PRKAR2B: variants seen among roughly 807,000 people sequenced by gnomAD.
PRKAR2B encodes the protein cAMP-dependent protein kinase type II-beta regulatory subunit.
In PRKAR2B, 14 loss-of-function variants were observed where a neutral mutation model predicts 49.9. The observed-to-expected ratio is 0.28, with a 90% CI of 0.19 to 0.44. PRKAR2B has a LOEUF of 0.44. Among genes scored for constraint, PRKAR2B ranks in the 20% least tolerant of loss-of-function variants. The probability of loss-of-function intolerance (pLI) is 1.00; values close to 1 mark genes in which losing one functional copy is unlikely to be tolerated. For synonymous variants in PRKAR2B, 196 were observed against 197.7 expected (o/e 0.99, Z 0.07); for missense variants, 393 against 537.9 (o/e 0.73, Z 2.67).
chr7:107,054,497 C>G (rs931326589), intron 1 of PRKAR2B, among the ~76,000 whole-genome samples: 1 of 152,298 alleles, frequency 6.6e-6, no homozygotes, highest in South Asian at 2.1e-4. Context: ...AAATCTCACT[C>G]TTTTCCCAAA....
Position 107,161,391 on chromosome 7 carries a change from C to T in PRKAR2B, c.*1809C>T, listed in dbSNP as rs946304608. Reference sequence around the variant, plus strand: ...TGTTAACTATTCATGGAACAGCAAACGCCTGTTTAATAAAGAACTTTGACC... The same window carrying T: ...TGTTAACTATTCATGGAACAGCAAATGCCTGTTTAATAAAGAACTTTGACC... On this transcript the variant is annotated 3_prime_UTR_variant, in exon 11 of 11. Coordinates refer to ENST00000265717, the MANE Select transcript of PRKAR2B (RefSeq NM_002736.3). The T allele has an allele frequency of 6.5e-6, 1 of 152,686 alleles. No homozygotes were observed. The highest frequency in any genetic ancestry group is 2.1e-4 in the South Asian group (1 of 4,824). The allele number at this position is 152,686 out of a possible 1,614,324, so 9.5% of individuals were successfully genotyped here. A position where few individuals can be genotyped will look rare whatever the true frequency, so the allele number is the denominator to read the frequency against.
chr7:107,065,019 A>G (rs1794105568), intron 1 of PRKAR2B, among the ~76,000 whole-genome samples: 1 of 152,180 alleles, frequency 6.6e-6, no homozygotes, highest in Non-Finnish European at 1.5e-5. Context: ...GCATAAGAGA[A>G]ATTCATTTAT....
intron 2 of PRKAR2B, among the ~76,000 whole-genome samples, chr7:107,099,882 C>T (rs865815930): frequency 6.6e-6 from 1 of 152,144 alleles, no homozygotes; most frequent in Non-Finnish European, 1.5e-5. Context: ...GATCCGCCCG[C>T]CTTGGCCTCC....
chr7:107,065,926 T>G (rs1241213038), intron 1 of PRKAR2B, among the ~76,000 whole-genome samples: 1 of 152,212 alleles, frequency 6.6e-6, no homozygotes, highest in Non-Finnish European at 1.5e-5. Context: ...GGAGGATTTT[T>G]CTTGTAAGGA....
intron 2 of PRKAR2B, among the ~76,000 whole-genome samples, chr7:107,100,381 C>T (rs552607370): frequency 6.6e-6 from 1 of 152,170 alleles, no homozygotes; most frequent in South Asian, 2.1e-4. Context: ...TTTGTTGTTC[C>T]CCTGTATGAA....
chr7:107,088,772 G>T (rs1562852655), intron 2 of PRKAR2B, among the ~76,000 whole-genome samples: 3 of 151,984 alleles, frequency 2.0e-5, no homozygotes. Flanking sequence ...GCTAATTTTT[G>T]TAGTTTTAGT....
At chr7:107,115,479 G>T (rs1354529339) in intron 2 of PRKAR2B, among the ~76,000 whole-genome samples, 1 of 152,158 alleles carries the variant, frequency 6.6e-6, no homozygotes, top group Non-Finnish European at 1.5e-5. Flanking sequence ...ATATTTTGAT[G>T]CAGGAAGTAG....
chr7:107,079,234 C>T (rs1168806194), intron 2 of PRKAR2B, among the ~76,000 whole-genome samples: 3 of 152,102 alleles, frequency 2.0e-5, no homozygotes, highest in African/African-American at 7.2e-5. Flanking sequence ...GCACTGCAGA[C>T]CAGCACTTTT....
chr7:107,079,834 A>G (rs1398764908), intron 2 of PRKAR2B, among the ~76,000 whole-genome samples: 1 of 152,212 alleles, frequency 6.6e-6, no homozygotes, highest in Non-Finnish European at 1.5e-5. Flanking sequence ...GATGAGGTCA[A>G]AGAAAAAATA....
At chr7:107,074,159 A>G (rs1156423903) in intron 2 of PRKAR2B, among the ~76,000 whole-genome samples, 1 of 152,130 alleles carries the variant, frequency 6.6e-6, no homozygotes, top group East Asian at 2.0e-4. Context: ...TCTGTTGCCC[A>G]GGCTGGAGTG....
chr7:107,150,649 A>G (rs1325887415), intron 6 of PRKAR2B, among the ~76,000 whole-genome samples: 3 of 151,864 alleles, frequency 2.0e-5, no homozygotes, highest in South Asian at 4.2e-4. Flanking sequence ...AGAACCCAAC[A>G]TATTGGTCAG....
chr7:107,142,705 T>G (rs1428849892), intron 5 of PRKAR2B, among the ~76,000 whole-genome samples: 1 of 152,066 alleles, frequency 6.6e-6, no homozygotes, highest in Non-Finnish European at 1.5e-5. Flanking sequence ...GGTTCTTGCC[T>G]GCCGGAGGCC....
chr7:107,143,923 T>A (rs975032016), intron 5 of PRKAR2B, among the ~76,000 whole-genome samples: 1 of 152,198 alleles, frequency 6.6e-6, no homozygotes, highest in African/African-American at 2.4e-5. Context: ...ATAACACTTC[T>A]GGTCCCAAGA....
At chr7:107,086,928 C>T (rs753452230) in intron 2 of PRKAR2B, among the ~76,000 whole-genome samples, 4 of 152,038 alleles carry the variant, frequency 2.6e-5, no homozygotes, top group African/African-American at 4.8e-5. Context: ...ATATAACTAA[C>T]GTATAACAAC....
At chr7:107,052,280 G>T (rs574220259) in intron 1 of PRKAR2B, among the ~76,000 whole-genome samples, 3 of 152,070 alleles carry the variant, frequency 2.0e-5, no homozygotes, top group African/African-American at 7.2e-5. Flanking sequence ...TTAGCTGGGC[G>T]TGGTGGCGGG....
rs1269611661 is a variant in PRKAR2B, at chr7:107,127,440, AG to A, written c.397-769del. 2.0e-5 allele frequency among the ~76,000 whole-genome samples: 3 copies of A among 152,234 alleles called. No homozygotes were observed. The East Asian group carries it at 5.8e-4, about 29-fold the overall frequency. ...TCAGTTGAGCCTCCTGCTAGTGAAA[AG>A]GGACTCGAGAGATAGCAAGCCACAC... On this transcript the variant is annotated intron_variant, in intron 3 of 10. Transcript: ENST00000265717.
intron 4 of PRKAR2B, among the ~76,000 whole-genome samples, chr7:107,135,054 A>C (rs1795670156): frequency 6.6e-6 from 1 of 152,132 alleles, no homozygotes; most frequent in South Asian, 2.1e-4. Flanking sequence ...GCAGAAGATA[A>C]AATTATTTGC....
chr7:107,157,149 G>A, intron 9 of PRKAR2B, 37 bp from the exon 10 acceptor site: 1 of 1,608,032 alleles, frequency 6.2e-7, no homozygotes, highest in Non-Finnish European at 8.5e-7. Context: ...TTTTTCATAA[G>A]CTGAGGAAAA....
intron 4 of PRKAR2B, among the ~76,000 whole-genome samples, chr7:107,133,135 A>G (rs561988258): frequency 2.6e-5 from 4 of 152,334 alleles, no homozygotes; most frequent in South Asian, 4.1e-4. Context: ...AGTAGTTGTC[A>G]GTTATCATGA....
Sources: allele counts gnomAD v4.1 joint callset (sites outside exome capture counted in the v4.1 genomes callset), GRCh38; gene constraint gnomAD v4.1.1; transcripts MANE v1.5; gene names NCBI Gene and HGNC (gene_info 2026-07-23, HGNC 2026-07-21).